The following MTMR3 variants were observed in gnomAD, a reference collection of about 807,000 sequenced individuals.
The protein encoded by MTMR3 is phosphatidylinositol-3,5-bisphosphate 3-phosphatase MTMR3.
MTMR3 carries 32 observed loss-of-function variants against 132.4 expected under a neutral mutation model. That is an observed-to-expected ratio of 0.24 (90% CI 0.18 to 0.32). The LOEUF (loss-of-function observed/expected upper bound fraction) is 0.32, where lower values mean the gene tolerates loss of function less well. Among genes scored for constraint, MTMR3 ranks in the 10% least tolerant of loss-of-function variants. The probability of loss-of-function intolerance (pLI) is 1.00; values close to 1 mark genes in which losing one functional copy is unlikely to be tolerated. For synonymous variants in MTMR3, 556 were observed against 550.3 expected (o/e 1.01, Z -0.14); for missense variants, 1,216 against 1,489.6 (o/e 0.82, Z 3.02).
At chr22:29,917,190 T>C (rs2145760547) in intron 1 of MTMR3, among the ~76,000 whole-genome samples, 1 of 152,354 alleles carries the variant, frequency 6.6e-6, no homozygotes, top group East Asian at 1.9e-4. Context: ...AATTTTCATA[T>C]CTATTGTTTA....
At chr22:29,908,257 T>C (rs2065141214) in intron 1 of MTMR3, among the ~76,000 whole-genome samples, 1 of 152,216 alleles carries the variant, frequency 6.6e-6, no homozygotes, top group African/African-American at 2.4e-5. Context: ...CAATGCCATA[T>C]TAGTTTTCTA....
chr22:30,021,765 TCTCA>T (rs2067759995), intron 17 of MTMR3: 5 of 438,084 alleles, frequency 1.1e-5, no homozygotes, highest in Admixed American at 7.5e-5. Context: ...GTCACTTCCC[TCTCA>T]CTCACTTTCT....
chr22:29,939,570 A>C (rs1000687829), intron 1 of MTMR3, among the ~76,000 whole-genome samples: 1 of 152,236 alleles, frequency 6.6e-6, no homozygotes, highest in Non-Finnish European at 1.5e-5. Flanking sequence ...TGACTTTTAG[A>C]GTCACTAATG....
chr22:29,883,887 CT>C (rs2064607577), intron 1 of MTMR3, among the ~76,000 whole-genome samples: 1 of 152,182 alleles, frequency 6.6e-6, no homozygotes, highest in African/African-American at 2.4e-5. Context: ...GGGCATCCCC[CT>C]GACCTGGTAG....
chr22:29,903,764 G>A (rs2107672), intron 1 of MTMR3, among the ~76,000 whole-genome samples: 4,944 of 152,184 alleles, frequency 0.032, 280 homozygotes, highest in African/African-American at 0.11. Flanking sequence ...GAGGTGCTAG[G>A]TGTACAGAGG....
intron 1 of MTMR3, among the ~76,000 whole-genome samples, chr22:29,923,001 A>G (rs2145773661): frequency 6.7e-6 from 1 of 149,472 alleles, no homozygotes; most frequent in East Asian, 2.0e-4. Flanking sequence ...TAGCCTCCAG[A>G]GTGGCTGAGA....
intron 1 of MTMR3, among the ~76,000 whole-genome samples, chr22:29,922,383 C>T (rs764988019): frequency 1.3e-5 from 2 of 152,146 alleles, no homozygotes; most frequent in African/African-American, 4.8e-5. Context: ...TTTGTTTATC[C>T]ATTTATCTGT....
At chr22:29,884,175 G>A (rs2064615946) in intron 1 of MTMR3, among the ~76,000 whole-genome samples, 1 of 152,086 alleles carries the variant, frequency 6.6e-6, no homozygotes, top group African/African-American at 2.4e-5. Flanking sequence ...ACATATTGAT[G>A]TTCAAATGTC....
intron 2 of MTMR3, among the ~76,000 whole-genome samples, chr22:29,970,497 CTTTTTTTTTTTTT>C (rs11326857): frequency 5.2e-5 from 3 of 57,744 alleles, no homozygotes; most frequent in African/African-American, 7.9e-5. Flanking sequence ...CCATGACCAG[CTTTTTTTTTTTTT>C]TTTTTTTTTT....
At chr22:29,992,451 C>G (rs1311072434) in intron 7 of MTMR3, 1 of 152,178 alleles carries the variant, frequency 6.6e-6, no homozygotes, top group African/African-American at 2.4e-5. Context: ...CCCAGGCTTC[C>G]TGACTCCTCT....
intron 1 of MTMR3, among the ~76,000 whole-genome samples, chr22:29,941,613 G>A (rs2065858599): frequency 6.6e-6 from 1 of 152,094 alleles, no homozygotes. Flanking sequence ...GATGTAAAAG[G>A]GTATCTCATT....
chr22:29,991,711 C>G, intron 7 of MTMR3, 41 bp downstream of exon 7: 1 of 1,516,062 alleles, frequency 6.6e-7, no homozygotes, highest in Non-Finnish European at 8.8e-7. Flanking sequence ...GGGGCTTTAT[C>G]AAGCTACTGA....
At chr22:29,917,426 C>A (rs953827195) in intron 1 of MTMR3, among the ~76,000 whole-genome samples, 1 of 152,178 alleles carries the variant, frequency 6.6e-6, no homozygotes, top group African/African-American at 2.4e-5. Context: ...TATTGCTTCA[C>A]CCCAGGAGTT....
chr22:29,941,549 T>C lies in MTMR3; in HGVS notation c.-137-15487T>C, dbSNP rs116095282. On this transcript the variant is annotated intron_variant, in intron 1 of 19. Coordinates refer to ENST00000401950, the MANE Select transcript of MTMR3 (RefSeq NM_021090.4). ...CCGTGTATGAATTCCAGTTACTCGA[T>C]GTCCTCACCAACATTTGCTCTTGCC... Among the ~76,000 whole-genome samples, 684 of 151,958 alleles carry C rather than the reference T, an allele frequency of 4.5e-3. 6 individuals are homozygous for C. Among genetic ancestry groups the C allele is most frequent in the African/African-American group, 0.016 (645 of 41,570 alleles).
At chr22:30,021,714 C>T in intron 17 of MTMR3, 2 of 289,408 alleles carry the variant, frequency 6.9e-6, no homozygotes, top group South Asian at 7.1e-5. Context: ...ATTGACAGGC[C>T]CACTGGAGCA....
At chr22:29,892,110 G>GC (rs1360002993) in intron 1 of MTMR3, among the ~76,000 whole-genome samples, 1 of 151,530 alleles carries the variant, frequency 6.6e-6, no homozygotes, top group African/African-American at 2.4e-5. Context: ...CTGAGATTGT[G>GC]CCACTGCACT....
intron 1 of MTMR3, among the ~76,000 whole-genome samples, chr22:29,943,066 A>G (rs186294008): frequency 2.6e-5 from 4 of 152,350 alleles, no homozygotes; most frequent in Admixed American, 1.3e-4. Context: ...AAGAAATTAT[A>G]AAAGTATTAA....
chr22:30,008,093 C>T, intron 11 of MTMR3, 61 bp downstream of exon 11: 2 of 1,580,652 alleles, frequency 1.3e-6, no homozygotes, highest in Non-Finnish European at 8.6e-7. Context: ...CCTTGCCCAA[C>T]TGAGACTTAG....
chr22:29,941,764 A>AC (rs2065861331), intron 1 of MTMR3, among the ~76,000 whole-genome samples: 1 of 152,204 alleles, frequency 6.6e-6, no homozygotes, highest in Non-Finnish European at 1.5e-5. Context: ...AATATGTATG[A>AC]CATTTATTAC....
Sources: gnomAD v4.1 joint callset for allele counts (sites outside exome capture counted in the v4.1 genomes callset) on GRCh38, gnomAD v4.1.1 for gene constraint, MANE v1.5 for transcripts, NCBI Gene and HGNC (gene_info 2026-07-23, HGNC 2026-07-21) for gene names.